Variants in ZFPM1 observed in about 807,000 individuals in gnomAD.
The protein encoded by ZFPM1 is zinc finger protein ZFPM1.
In ZFPM1, 28 loss-of-function variants were observed where a neutral mutation model predicts 46.3. The ratio of observed to expected loss-of-function variants is 0.60; its 90% CI spans 0.45 to 0.83. The LOEUF (loss-of-function observed/expected upper bound fraction) is 0.83. Ranked by LOEUF, ZFPM1 falls within the 40% of genes least tolerant of loss-of-function variation. The pLI is 0.00. For synonymous variants in ZFPM1, 957 were observed against 675.9 expected (o/e 1.42, Z -6.45); for missense variants, 1,878 against 1,432.4 (o/e 1.31, Z -5.02).
At chr16:88,521,282 G>C (rs1911863801) in intron 4 of ZFPM1, among the ~76,000 whole-genome samples, 1 of 149,786 alleles carries the variant, frequency 6.7e-6, no homozygotes, top group East Asian at 2.0e-4. Context: ...AAGGGAGAGT[G>C]GCCTGACTCA....
chr16:88,534,440 A>T lies in ZFPM1; in HGVS notation c.2482A>T (p.Ser828Cys). The T allele has an allele frequency of 6.7e-7, 1 of 1,496,500 alleles. No individual in the cohort carries two copies. Among genetic ancestry groups the T allele is most frequent in the African/African-American group, 1.5e-5 (1 of 68,366 alleles). 92.7% of individuals were successfully genotyped at this position (1,496,500 alleles called of 1,614,324 possible). The change falls in exon 10 of 10, where the codon AGC becomes TGC. Residue 828 changes from serine to cysteine, a missense_variant. Coordinates refer to ENST00000319555, the MANE Select transcript of ZFPM1 (RefSeq NM_153813.3). ...ECTACRVSFH[S>C]LEAYLAHKKY... ...CACGGCCTGCCGCGTGAGCTTCCACAGCCTCGAGGCCTACCTGGCGCACAA... is the reference window on the plus strand; with the variant it reads ...CACGGCCTGCCGCGTGAGCTTCCACTGCCTCGAGGCCTACCTGGCGCACAA...
At chr16:88,496,366 G>T (rs537915443) in intron 3 of ZFPM1, among the ~76,000 whole-genome samples, 1 of 152,192 alleles carries the variant, frequency 6.6e-6, no homozygotes, top group Admixed American at 6.5e-5. Context: ...AGTGGGGCTG[G>T]GTTGGTGCTT....
At chr16:88,489,671 CAGGGTGTGTCCTAG>C (rs1485039596) in intron 3 of ZFPM1, among the ~76,000 whole-genome samples, 2 of 152,216 alleles carry the variant, frequency 1.3e-5, no homozygotes, top group Admixed American at 6.5e-5. Context: ...GCCTGGGCCA[CAGGGTGTGTCCTAG>C]AGGGTGGTTT....
In ZFPM1 at chr16:88,534,902, A is replaced by G; in HGVS notation, c.2944A>G (p.Lys982Glu). Reference sequence around the variant, plus strand: ...CCGGTACTGCCGTCTTTGCAACATCAAGTTCAGCAGCCTGTCCACCTTCAT... The same window carrying G: ...CCGGTACTGCCGTCTTTGCAACATCGAGTTCAGCAGCCTGTCCACCTTCAT... Reference protein sequence around the residue: ...NHRYCRLCNIKFSSLSTFIAH... With the variant: ...NHRYCRLCNIEFSSLSTFIAH... The change falls in exon 10 of 10, where the codon AAG becomes GAG. Residue 982 changes from lysine to glutamate, a missense_variant. Lys to Glu is a moderately conservative substitution (Grantham distance 56). Coordinates refer to ENST00000319555, the MANE Select transcript of ZFPM1 (RefSeq NM_153813.3). 1 of 1,564,264 alleles carries G rather than the reference A, an allele frequency of 6.4e-7. No individual in the cohort carries two copies. The highest frequency in any genetic ancestry group is 8.6e-7 in the Non-Finnish European group (1 of 1,158,894).
chr16:88,506,253 ACCAGGGTCAG>A (rs1197165847), intron 3 of ZFPM1, among the ~76,000 whole-genome samples: 1 of 91,136 alleles, frequency 1.1e-5, no homozygotes, highest in Non-Finnish European at 2.1e-5. Flanking sequence ...GTTGGGGGGC[ACCAGGGTCAG>A]GGGGCAGGGA....
chr16:88,518,666 T>A (rs977043726), intron 4 of ZFPM1, among the ~76,000 whole-genome samples: 1 of 145,142 alleles, frequency 6.9e-6, no homozygotes, highest in Non-Finnish European at 1.5e-5. Flanking sequence ...TATGGGTGGA[T>A]GGATGAGTGG....
intron 1 of ZFPM1, chr16:88,468,859 A>G: frequency 6.6e-6 from 1 of 152,448 alleles, no homozygotes; most frequent in East Asian, 1.9e-4. Flanking sequence ...AGTAGTTCCC[A>G]TCCTGGACCC....
At chr16:88,515,563 C>T (rs1181095636) in intron 4 of ZFPM1, among the ~76,000 whole-genome samples, 1 of 152,178 alleles carries the variant, frequency 6.6e-6, no homozygotes. Context: ...CAGGGCACCC[C>T]TGTCTGCCAG....
intron 1 of ZFPM1, among the ~76,000 whole-genome samples, chr16:88,473,142 C>A (rs896905254): frequency 6.6e-6 from 1 of 152,280 alleles, no homozygotes; most frequent in African/African-American, 2.4e-5. Flanking sequence ...AAAGGCTGAA[C>A]TGAGCCAGAG....
At chr16:88,459,641 C>T (rs1254690633) in intron 1 of ZFPM1, among the ~76,000 whole-genome samples, 1 of 126,092 alleles carries the variant, frequency 7.9e-6, no homozygotes, top group East Asian at 2.6e-4. Context: ...CAGCCTAACG[C>T]CCACCCATGG....
intron 4 of ZFPM1, among the ~76,000 whole-genome samples, chr16:88,526,454 C>CAGAT (rs756613189): frequency 2.0e-5 from 3 of 150,310 alleles, no homozygotes; most frequent in Non-Finnish European, 4.4e-5. Flanking sequence ...GGGGAGAACA[C>CAGAT]AGATACGCAG....
At chr16:88,459,399 G>A (rs937224723) in intron 1 of ZFPM1, among the ~76,000 whole-genome samples, 1 of 152,174 alleles carries the variant, frequency 6.6e-6, no homozygotes, top group Non-Finnish European at 1.5e-5. Context: ...CTACCCATGT[G>A]AGCCTCCGTT....
In ZFPM1 at chr16:88,461,040, G is replaced by C. The variant is rs866513547; in HGVS notation, c.40+7362G>C. Reference sequence around the variant, plus strand: ...TGGGGCGGGAGGCCTGGTGAGGACCGAGGGGCGGGAGGCCCTGGTGAGGAC... The same window carrying C: ...TGGGGCGGGAGGCCTGGTGAGGACCCAGGGGCGGGAGGCCCTGGTGAGGAC... On this transcript the variant is annotated intron_variant, in intron 1 of 9. Coordinates refer to ENST00000319555, the MANE Select transcript of ZFPM1 (RefSeq NM_153813.3). Among the ~76,000 whole-genome samples the C allele has an allele frequency of 1.5e-3, 166 of 107,612 alleles. 1 individual carries two copies. Among genetic ancestry groups the C allele is most frequent in the Non-Finnish European group, 2.2e-3 (119 of 54,290 alleles). The allele number at this position is 107,612 out of a possible 152,430, so 70.6% of individuals were successfully genotyped here. A position where few individuals can be genotyped will look rare whatever the true frequency, so the allele number is the denominator to read the frequency against.
chr16:88,463,095 T>G (rs1907973441), intron 1 of ZFPM1, among the ~76,000 whole-genome samples: 1 of 152,108 alleles, frequency 6.6e-6, no homozygotes, highest in African/African-American at 2.4e-5. Flanking sequence ...CCAACTTCCC[T>G]TTTTTCCATC....
intron 9 of ZFPM1, 97 bp from the exon 10 acceptor site, chr16:88,533,051 T>TGGCC: frequency 7.4e-7 from 1 of 1,351,630 alleles, no homozygotes; most frequent in Non-Finnish European, 1.0e-6. Flanking sequence ...TCTAAACCAC[T>TGGCC]CCCGCCCACC....
intron 2 of ZFPM1, 22 bp downstream of exon 2, chr16:88,486,065 C>G: frequency 1.9e-6 from 3 of 1,601,454 alleles, no homozygotes; most frequent in Non-Finnish European, 1.7e-6. Context: ...TGAGCCCTCT[C>G]ACCGCGCCTC....
intron 4 of ZFPM1, among the ~76,000 whole-genome samples, chr16:88,520,512 AGATGAATG>A (rs1911752043): frequency 1.4e-5 from 2 of 139,314 alleles, no homozygotes; most frequent in South Asian, 2.4e-4. Context: ...GTAGGTGGAT[AGATGAATG>A]GATGAATGAA....
At chr16:88,461,536 T>G (rs1032378373) in intron 1 of ZFPM1, among the ~76,000 whole-genome samples, 1 of 152,080 alleles carries the variant, frequency 6.6e-6, no homozygotes, top group African/African-American at 2.4e-5. Flanking sequence ...AGGAGGAGCT[T>G]GATGAGAACA....
At chr16:88,502,245 T>C (rs1910403629) in intron 3 of ZFPM1, among the ~76,000 whole-genome samples, 2 of 152,072 alleles carry the variant, frequency 1.3e-5, no homozygotes, top group African/African-American at 2.4e-5. Context: ...GGGCTGGTCA[T>C]ATCCTGCCCG....
Sources: allele counts gnomAD v4.1 joint callset (sites outside exome capture counted in the v4.1 genomes callset), GRCh38; gene constraint gnomAD v4.1.1; transcripts MANE v1.5; gene names NCBI Gene and HGNC (gene_info 2026-07-23, HGNC 2026-07-21).